PTPN5: variants seen among roughly 807,000 people sequenced by gnomAD.
PTPN5 encodes protein tyrosine phosphatase non-receptor type 5.
A neutral mutation model predicts 73.9 loss-of-function variants in PTPN5; 29 were observed. The ratio of observed to expected loss-of-function variants is 0.39; its 90% CI spans 0.29 to 0.54. The LOEUF is 0.54. PTPN5 is among the 20% of genes least tolerant of loss of function. PTPN5 has a pLI of 0.65. For missense variants in PTPN5, 652 were observed against 751.4 expected (o/e 0.87, Z 1.55); for synonymous variants, 267 against 304.7 (o/e 0.88, Z 1.29).
chr11:18,743,638 C>G, intron 4 of PTPN5: 1 of 599,008 alleles, frequency 1.7e-6, no homozygotes. Flanking sequence ...TGAAGGGAAC[C>G]AAGAGAAAGC....
intron 12 of PTPN5, among the ~76,000 whole-genome samples, chr11:18,731,124 A>T (rs533004862): frequency 3.5e-5 from 5 of 143,892 alleles, no homozygotes; most frequent in Non-Finnish European, 7.6e-5. Flanking sequence ...CTTCTTTTAT[A>T]CATATATATA....
chr11:18,741,965 TA>T (rs1221607816), intron 7 of PTPN5, among the ~76,000 whole-genome samples: 1 of 152,228 alleles, frequency 6.6e-6, no homozygotes, highest in Admixed American at 6.5e-5. Context: ...ATAAGCATGT[TA>T]AAGGCCCTGA....
intron 3 of PTPN5, among the ~76,000 whole-genome samples, chr11:18,749,997 C>A (rs904838738): frequency 6.6e-5 from 10 of 152,188 alleles, no homozygotes; most frequent in African/African-American, 2.4e-4. Context: ...GACACTCAGA[C>A]CTGCCTGGAC....
chr11:18,742,655 G>A lies in PTPN5; in HGVS notation c.484-152C>T. ...AGTTGTCCACAAGGCACTGCCCCTGGCCTCGATGGGAGGCTCCATGCCCAC... is the reference window on the plus strand; with the variant it reads ...AGTTGTCCACAAGGCACTGCCCCTGACCTCGATGGGAGGCTCCATGCCCAC... On this transcript the variant is annotated intron_variant, in intron 6 of 14. Transcript: ENST00000358540. This position sits in a 1 kb window ranked among gnomAD's most constrained non-coding sequence, Gnocchi z 4.1. 1 of 1,163,388 alleles carries A rather than the reference G, an allele frequency of 8.6e-7. No individual in the cohort carries two copies. 72.1% of individuals were successfully genotyped at this position (1,163,388 alleles called of 1,614,324 possible). A position where few individuals can be genotyped will look rare whatever the true frequency, so the allele number is the denominator to read the frequency against.
At chr11:18,775,155 G>A (rs886434107) in intron 1 of PTPN5, among the ~76,000 whole-genome samples, 2 of 152,192 alleles carry the variant, frequency 1.3e-5, no homozygotes, top group African/African-American at 2.4e-5. Context: ...AAAGTGACCT[G>A]CCTAAGGCCA....
intron 2 of PTPN5, among the ~76,000 whole-genome samples, chr11:18,769,961 A>T (rs1554924780): frequency 6.6e-6 from 1 of 152,078 alleles, no homozygotes; most frequent in Non-Finnish European, 1.5e-5. Context: ...CCACTTGATC[A>T]TGTGGCTTCC....
At chr11:18,785,923 C>T (rs1327559951) in intron 1 of PTPN5, among the ~76,000 whole-genome samples, 1 of 152,236 alleles carries the variant, frequency 6.6e-6, no homozygotes, top group Non-Finnish European at 1.5e-5. Context: ...TACAAATCTG[C>T]AAACAGTGGA....
chr11:18,731,434 T>C (rs1348526901), intron 12 of PTPN5, among the ~76,000 whole-genome samples: 1 of 152,106 alleles, frequency 6.6e-6, no homozygotes, highest in East Asian at 1.9e-4. Context: ...TCAGGCCAGG[T>C]GCTCGTAATG....
At chr11:18,789,712 T>A (rs1419196278) in intron 1 of PTPN5, among the ~76,000 whole-genome samples, 1 of 152,118 alleles carries the variant, frequency 6.6e-6, no homozygotes, top group Non-Finnish European at 1.5e-5. Context: ...CCAAACATTG[T>A]ATGTTCTCAC....
At chr11:18,743,233 A>G in intron 5 of PTPN5, 89 bp downstream of exon 5, 1 of 1,360,092 alleles carries the variant, frequency 7.4e-7, no homozygotes, top group Non-Finnish European at 1.1e-6. Flanking sequence ...TTCTGAACTC[A>G]GAGAAGCCCA....
intron 1 of PTPN5, among the ~76,000 whole-genome samples, chr11:18,789,478 C>G (rs1392290016): frequency 2.0e-5 from 3 of 152,088 alleles, no homozygotes; most frequent in Non-Finnish European, 4.4e-5. Context: ...GGCAGAAATC[C>G]CTACATGGCA....
intron 3 of PTPN5, among the ~76,000 whole-genome samples, chr11:18,752,198 C>T (rs1374931152): frequency 6.6e-6 from 1 of 152,196 alleles, no homozygotes; most frequent in Non-Finnish European, 1.5e-5. Context: ...CGCCACTGCA[C>T]TCCAGCCTGG....
At chr11:18,744,738 C>A (rs1590521519) in intron 3 of PTPN5, among the ~76,000 whole-genome samples, 3 of 152,230 alleles carry the variant, frequency 2.0e-5, no homozygotes, top group Non-Finnish European at 4.4e-5. Context: ...GGGCTGGGGG[C>A]AGTTAGGGCG....
chr11:18,786,605 C>T (rs1022909370), intron 1 of PTPN5, among the ~76,000 whole-genome samples: 2 of 152,066 alleles, frequency 1.3e-5, no homozygotes, highest in Non-Finnish European at 2.9e-5. Flanking sequence ...TTTTGTTTTT[C>T]TTTTTTCCCC....
intron 3 of PTPN5, among the ~76,000 whole-genome samples, chr11:18,756,927 A>AT (rs1850174993): frequency 6.7e-6 from 1 of 148,634 alleles, no homozygotes; most frequent in Admixed American, 6.9e-5. Flanking sequence ...CCATCAAAAA[A>AT]AAAAAAAAAC....
intron 3 of PTPN5, among the ~76,000 whole-genome samples, chr11:18,758,054 C>G (rs1850231574): frequency 6.6e-6 from 1 of 152,100 alleles, no homozygotes; most frequent in Non-Finnish European, 1.5e-5. Context: ...AAGAATGAGA[C>G]ATGGGATGAA....
At chr11:18,737,756 C>A in intron 9 of PTPN5, 124 bp downstream of exon 9, 1 of 826,554 alleles carries the variant, frequency 1.2e-6, no homozygotes, top group Non-Finnish European at 2.0e-6. Flanking sequence ...AACCCCCAGC[C>A]CTCTGTCCCA....
At chr11:18,761,276 CCTT>C (rs1219526832) in intron 3 of PTPN5, among the ~76,000 whole-genome samples, 1 of 152,192 alleles carries the variant, frequency 6.6e-6, no homozygotes, top group Non-Finnish European at 1.5e-5. Flanking sequence ...TTATCTACCT[CCTT>C]CTTCTACCTT....
At chr11:18,730,047 G>A in intron 12 of PTPN5, 1 of 592,204 alleles carries the variant, frequency 1.7e-6, no homozygotes, top group Non-Finnish European at 3.0e-6. Context: ...TCTTGCCTTT[G>A]GTCCTGCCCC....
Sources: allele counts gnomAD v4.1 joint callset (sites outside exome capture counted in the v4.1 genomes callset), GRCh38; gene constraint gnomAD v4.1.1; non-coding constraint Gnocchi (gnomAD v3.1); transcripts MANE v1.5; gene names NCBI Gene and HGNC (gene_info 2026-07-23, HGNC 2026-07-21).